CDH18: variants seen among roughly 807,000 people sequenced by gnomAD.
The protein encoded by CDH18 is cadherin-18.
A neutral mutation model predicts 67.9 loss-of-function variants in CDH18; 31 were observed. The observed-to-expected ratio is 0.46, with a 90% confidence interval of 0.34 to 0.62. CDH18 has a LOEUF of 0.62. Among genes scored for constraint, CDH18 ranks in the 20% least tolerant of loss-of-function variants. CDH18 has a pLI of 0.01. For synonymous variants in CDH18, 362 were observed against 347.2 expected (o/e 1.04, Z -0.48); for missense variants, 890 against 975.5 (o/e 0.91, Z 1.17).
intron 2 of CDH18, among the ~76,000 whole-genome samples, chr5:20,025,568 T>C (rs2150441503): frequency 6.6e-6 from 1 of 152,324 alleles, no homozygotes; most frequent in Admixed American, 6.5e-5. Flanking sequence ...TAATCTTCTG[T>C]ATAATTAGCA....
intron 3 of CDH18, among the ~76,000 whole-genome samples, chr5:19,762,557 C>T (rs1424208631): frequency 6.6e-6 from 1 of 152,080 alleles, no homozygotes; most frequent in Non-Finnish European, 1.5e-5. Flanking sequence ...TGATACCACT[C>T]ACACCAGTTA....
chr5:19,493,889 G>C (rs929577787), intron 11 of CDH18, among the ~76,000 whole-genome samples: 3 of 151,926 alleles, frequency 2.0e-5, no homozygotes, highest in Non-Finnish European at 4.4e-5. Context: ...TTTGCCAAAT[G>C]AATTTTATTA....
intron 2 of CDH18, among the ~76,000 whole-genome samples, chr5:20,000,319 C>G (rs1736344866): frequency 6.6e-6 from 1 of 151,546 alleles, no homozygotes; most frequent in Admixed American, 6.6e-5. Context: ...TAGTTACAAC[C>G]AAAAAGATAT....
intron 1 of CDH18, among the ~76,000 whole-genome samples, chr5:20,352,975 G>A (rs1741331092): frequency 6.6e-6 from 1 of 152,140 alleles, no homozygotes; most frequent in Non-Finnish European, 1.5e-5. Context: ...ACACTAATGG[G>A]TAGGAACACT....
intron 11 of CDH18, among the ~76,000 whole-genome samples, chr5:19,486,665 C>A (rs184495146): frequency 1.1e-3 from 160 of 152,024 alleles, no homozygotes; most frequent in Non-Finnish European, 1.9e-3. Flanking sequence ...TGGTGGCGGG[C>A]GCCTATAATC....
intron 2 of CDH18, among the ~76,000 whole-genome samples, chr5:19,952,846 A>C (rs1795933456): frequency 6.6e-6 from 1 of 152,146 alleles, no homozygotes; most frequent in African/African-American, 2.4e-5. Flanking sequence ...CAATAGTAAA[A>C]TGTAGTTATA....
intron 7 of CDH18, among the ~76,000 whole-genome samples, chr5:19,574,922 C>T (rs1742071487): frequency 6.6e-6 from 1 of 152,056 alleles, no homozygotes; most frequent in South Asian, 2.1e-4. Flanking sequence ...GCCTGTAGTC[C>T]CAGCTACTCG....
chr5:19,874,625 A>T (rs62352170), intron 2 of CDH18, among the ~76,000 whole-genome samples: 47,590 of 152,038 alleles, frequency 0.31, 8,202 homozygotes, highest in South Asian at 0.4. Flanking sequence ...GTAGAAAATG[A>T]CTTTAATACA....
intron 1 of CDH18, among the ~76,000 whole-genome samples, chr5:20,391,510 T>A (rs1744857380): frequency 6.6e-6 from 1 of 151,950 alleles, no homozygotes; most frequent in Non-Finnish European, 1.5e-5. Context: ...CAATTATAAT[T>A]ATTATTATTC....
chr5:20,071,827 A>T (rs376873281), intron 2 of CDH18, among the ~76,000 whole-genome samples: 1 of 152,200 alleles, frequency 6.6e-6, no homozygotes, highest in East Asian at 1.9e-4. Flanking sequence ...TGACATACCA[A>T]GTGCTATCTT....
At chr5:20,360,178 TTAGA>T (rs1280514396) in intron 1 of CDH18, among the ~76,000 whole-genome samples, 8 of 144,162 alleles carry the variant, frequency 5.5e-5, no homozygotes, top group Non-Finnish European at 1.2e-4. Flanking sequence ...TAATAAACCA[TTAGA>T]TAAACATTAG....
chr5:19,536,525 T>G (rs146496454), intron 9 of CDH18, among the ~76,000 whole-genome samples: 129 of 152,332 alleles, frequency 8.5e-4, no homozygotes, highest in East Asian at 7.5e-3. Flanking sequence ...AGTTTATTTC[T>G]TAGACAATCA....
chr5:20,051,727 A>C (rs1011824649), intron 2 of CDH18, among the ~76,000 whole-genome samples: 1 of 152,070 alleles, frequency 6.6e-6, no homozygotes, highest in African/African-American at 2.4e-5. Context: ...AGATATATTT[A>C]TATGGTAACT....
At chr5:20,090,507 C>T (rs1056372376) in intron 2 of CDH18, among the ~76,000 whole-genome samples, 3 of 152,028 alleles carry the variant, frequency 2.0e-5, no homozygotes, top group Non-Finnish European at 4.4e-5. Context: ...TGCACTCCAG[C>T]CTGGGCGACA....
chr5:20,509,793 G>A (rs1222134819), intron 1 of CDH18, among the ~76,000 whole-genome samples: 1 of 152,062 alleles, frequency 6.6e-6, no homozygotes, highest in African/African-American at 2.4e-5. Context: ...AATCATCTAT[G>A]GAAGGACACT....
chr5:20,159,079 G>A (rs1459519225), intron 2 of CDH18: 3 of 152,354 alleles, frequency 2.0e-5, no homozygotes, highest in Non-Finnish European at 4.4e-5. Flanking sequence ...AAATTTAGAA[G>A]ATGAATTCAA....
At chr5:19,586,459 T>A (rs1284760617) in intron 7 of CDH18, among the ~76,000 whole-genome samples, 2 of 152,168 alleles carry the variant, frequency 1.3e-5, no homozygotes, top group African/African-American at 4.8e-5. Flanking sequence ...GCACGTCGTA[T>A]TTGGTTTTCT....
intron 1 of CDH18, among the ~76,000 whole-genome samples, chr5:20,440,930 T>A (rs1300251467): frequency 6.6e-6 from 1 of 151,936 alleles, no homozygotes; most frequent in Admixed American, 6.5e-5. Context: ...GATAGCAAGT[T>A]ACGTAAGAAC....
chr5:19,890,513 A>C (rs2150081990), intron 2 of CDH18, among the ~76,000 whole-genome samples: 1 of 152,260 alleles, frequency 6.6e-6, no homozygotes, highest in Admixed American at 6.5e-5. Flanking sequence ...TGGCTTGCTG[A>C]GAAACGACAC....
Sources: allele counts gnomAD v4.1 joint callset (sites outside exome capture counted in the v4.1 genomes callset), GRCh38; gene constraint gnomAD v4.1.1; transcripts MANE v1.5; gene names NCBI Gene and HGNC (gene_info 2026-07-23, HGNC 2026-07-21).